The following CYTH1 variants were observed in gnomAD, a reference collection of about 807,000 sequenced individuals.
CYTH1 encodes the protein cytohesin-1.
A neutral mutation model predicts 61.8 loss-of-function variants in CYTH1; 18 were observed. The ratio of observed to expected loss-of-function variants is 0.29; its 90% CI spans 0.20 to 0.43. The LOEUF is 0.43. Among genes scored for constraint, CYTH1 ranks in the 20% least tolerant of loss-of-function variants. The pLI is 1.00. For missense variants in CYTH1, 336 were observed against 510.5 expected, an observed-to-expected ratio of 0.66 and a Z score of 3.29; for synonymous variants, 174 against 184.3, an observed-to-expected ratio of 0.94 and a Z score of 0.45.
intron 1 of CYTH1, among the ~76,000 whole-genome samples, chr17:78,718,372 A>C (rs1331377899): frequency 6.6e-6 from 1 of 152,214 alleles, no homozygotes; most frequent in Non-Finnish European, 1.5e-5. Context: ...CCACCTGCTC[A>C]GAGGAGAACA....
In CYTH1 at chr17:78,776,826, T is replaced by TA. The variant is rs1217575523; in HGVS notation, c.22+5375dup. 2.1e-3 allele frequency among the ~76,000 whole-genome samples: 309 copies of TA among 148,890 alleles called. No homozygotes were observed. The Middle Eastern group carries it at 0.024, about 12-fold the overall frequency. ...GTGCCATAAACAGTTTTTTTTTTTT[T>TA]AAAAAAAGAAACCAATAGGCCAGGT... is the stretch of plus-strand genomic sequence containing the variant. On this transcript the variant is annotated intron_variant, in intron 1 of 13. Coordinates refer to ENST00000446868, the MANE Select transcript of CYTH1 (RefSeq NM_004762.6).
At chr17:78,772,991 G>C (rs191634865) in intron 1 of CYTH1, among the ~76,000 whole-genome samples, 1 of 151,896 alleles carries the variant, frequency 6.6e-6, no homozygotes, top group Non-Finnish European at 1.5e-5. Flanking sequence ...CACCACACCC[G>C]GCTAATTTTT....
intron 3 of CYTH1, among the ~76,000 whole-genome samples, chr17:78,703,981 G>C (rs7220955): frequency 6.6e-6 from 1 of 152,142 alleles, no homozygotes; most frequent in African/African-American, 2.4e-5. Flanking sequence ...CGGTACATCT[G>C]TATTTAACTT....
At chr17:78,750,309 G>A (rs534149684) in intron 1 of CYTH1, among the ~76,000 whole-genome samples, 6 of 152,260 alleles carry the variant, frequency 3.9e-5, no homozygotes, top group African/African-American at 9.6e-5. Flanking sequence ...CTATGTGAGC[G>A]GATATGCTAT....
At chr17:78,755,138 T>C (rs1157462662) in intron 1 of CYTH1, among the ~76,000 whole-genome samples, 2 of 152,174 alleles carry the variant, frequency 1.3e-5, no homozygotes, top group Non-Finnish European at 2.9e-5. Context: ...AAGGAACAAC[T>C]GATACCCCCA....
intron 1 of CYTH1, among the ~76,000 whole-genome samples, chr17:78,749,155 A>C (rs886821030): frequency 2.0e-5 from 3 of 152,090 alleles, no homozygotes; most frequent in Non-Finnish European, 1.5e-5. Flanking sequence ...TAATCCCAGC[A>C]CTTTGGGAGG....
chr17:78,747,167 A>G (rs997913189), intron 1 of CYTH1, among the ~76,000 whole-genome samples: 1 of 150,876 alleles, frequency 6.6e-6, no homozygotes, highest in African/African-American at 2.4e-5. Flanking sequence ...AAAAAAAAAA[A>G]AAAGAAAAAA....
At chr17:78,679,249 G>A (rs1210160280) in intron 13 of CYTH1, among the ~76,000 whole-genome samples, 1 of 152,232 alleles carries the variant, frequency 6.6e-6, no homozygotes, top group East Asian at 1.9e-4. Context: ...TCTTCCAGGT[G>A]AAGTCACACA....
In CYTH1 at chr17:78,700,222, C is replaced by T. The variant is rs1267570499; in HGVS notation, c.550+109G>A. The T allele has an allele frequency of 1.7e-5, 16 of 919,252 alleles. No individual in the cohort carries two copies. The highest frequency in any genetic ancestry group is 2.2e-4 in the Middle Eastern group (1 of 4,494). The allele number at this position is 919,252 out of a possible 1,614,324, so 56.9% of individuals were successfully genotyped here. A position where few individuals can be genotyped will look rare whatever the true frequency, so the allele number is the denominator to read the frequency against. On this transcript the variant is annotated intron_variant, in intron 7 of 13. Coordinates refer to ENST00000446868, the MANE Select transcript of CYTH1 (RefSeq NM_004762.6). This position sits in a 1 kb window ranked among gnomAD's most constrained non-coding sequence, Gnocchi z 5.1. ...ACTATTATAACTATCATTGAGTAAACGTTCCTAGGCATGAATCTCAGCCCT... is the reference window on the plus strand; with the variant it reads ...ACTATTATAACTATCATTGAGTAAATGTTCCTAGGCATGAATCTCAGCCCT...
At chr17:78,687,685 C>T (rs1429137502) in intron 11 of CYTH1, among the ~76,000 whole-genome samples, 1 of 152,232 alleles carries the variant, frequency 6.6e-6, no homozygotes, top group African/African-American at 2.4e-5. Flanking sequence ...TCACTCATCA[C>T]CCCTGTAATT....
At chr17:78,746,570 G>T (rs1317953364) in intron 1 of CYTH1, among the ~76,000 whole-genome samples, 3 of 152,128 alleles carry the variant, frequency 2.0e-5, no homozygotes, top group Non-Finnish European at 2.9e-5. Flanking sequence ...CTTTCCATCT[G>T]AAAGAGCCTA....
intron 1 of CYTH1, among the ~76,000 whole-genome samples, chr17:78,745,966 C>T (rs775445529): frequency 2.0e-5 from 3 of 152,126 alleles, no homozygotes; most frequent in East Asian, 3.9e-4. Context: ...TTCTACCCAG[C>T]GCATGTGCCA....
At chr17:78,722,702 C>T (rs1049810748) in intron 1 of CYTH1, among the ~76,000 whole-genome samples, 1 of 152,146 alleles carries the variant, frequency 6.6e-6, no homozygotes, top group African/African-American at 2.4e-5. Context: ...CTGAATTTTT[C>T]TGTACATTGA....
At chr17:78,773,978 T>C (rs2093481568) in intron 1 of CYTH1, among the ~76,000 whole-genome samples, 1 of 152,142 alleles carries the variant, frequency 6.6e-6, no homozygotes, top group Non-Finnish European at 1.5e-5. Context: ...AAAATAAAAA[T>C]TTTTTTCAAT....
chr17:78,739,613 T>TA (rs931154434), intron 1 of CYTH1, among the ~76,000 whole-genome samples: 4 of 152,190 alleles, frequency 2.6e-5, no homozygotes, highest in Non-Finnish European at 5.9e-5. Context: ...GTTTCCATTC[T>TA]GGGTGAGATG....
intron 11 of CYTH1, among the ~76,000 whole-genome samples, chr17:78,689,855 C>T (rs7502043): frequency 0.038 from 5,711 of 152,130 alleles, 190 homozygotes; most frequent in South Asian, 0.15. Flanking sequence ...TTCAGTTTGC[C>T]TCCTCCCAGA....
At chr17:78,703,498 A>G (rs11658541) in intron 3 of CYTH1, among the ~76,000 whole-genome samples, 3,601 of 151,620 alleles carry the variant, frequency 0.024, 57 homozygotes, top group Non-Finnish European at 0.036. Context: ...AATTTTTAGT[A>G]TACTTACTAA....
chr17:78,680,234 T>C lies in CYTH1; in HGVS notation c.1074A>G (p.Ser358=), dbSNP rs372581895. 17 of 1,614,112 alleles carry C rather than the reference T, an allele frequency of 1.1e-5. No homozygotes were observed. The highest frequency in any genetic ancestry group is 1.4e-5 in the Non-Finnish European group (17 of 1,179,980). Residue 358 remains serine, a synonymous_variant, in exon 13 of 14, where the codon TCA becomes TCG. Transcript: ENST00000446868. ...CCTCCTTCTCCTCGGGCGTCGGAGC[T>C]GAGATCCGGTAAACAGTGTGGTTCC... ...VEGNHTVYRI[S]APTPEEKEEW...
At chr17:78,766,061 C>A (rs1349883312) in intron 1 of CYTH1, among the ~76,000 whole-genome samples, 1 of 107,882 alleles carries the variant, frequency 9.3e-6, no homozygotes, top group Non-Finnish European at 1.7e-5. Context: ...CCAGCCAGGG[C>A]AACATAGTGA....
Sources: allele counts gnomAD v4.1 joint callset (sites outside exome capture counted in the v4.1 genomes callset), GRCh38; gene constraint gnomAD v4.1.1; non-coding constraint Gnocchi (gnomAD v3.1); transcripts MANE v1.5; gene names NCBI Gene and HGNC (gene_info 2026-07-23, HGNC 2026-07-21).